Variants in PKHD1 observed in about 807,000 individuals in gnomAD.
PKHD1 encodes the protein fibrocystin.
A neutral mutation model predicts 412.0 loss-of-function variants in PKHD1; 291 were observed. The ratio of observed to expected loss-of-function variants is 0.71; its 90% CI spans 0.64 to 0.78. The LOEUF is 0.78. Among genes scored for constraint, PKHD1 ranks in the 30% least tolerant of loss-of-function variants. The probability of loss-of-function intolerance (pLI) is 0.00; values close to 1 mark genes in which losing one functional copy is unlikely to be tolerated. For missense variants in PKHD1, 4,825 were observed against 4,950.7 expected (o/e 0.97, Z 0.76); for synonymous variants, 1,777 against 1,821.5 (o/e 0.98, Z 0.62).
chr6:51,746,395 A>T (rs958831640), intron 59 of PKHD1, among the ~76,000 whole-genome samples: 4 of 152,242 alleles, frequency 2.6e-5, no homozygotes, highest in Non-Finnish European at 4.4e-5. Context: ...AATTAAGACA[A>T]AACAATAAAA....
At chr6:51,808,051 T>C (rs1462186937) in intron 52 of PKHD1, among the ~76,000 whole-genome samples, 1 of 152,152 alleles carries the variant, frequency 6.6e-6, no homozygotes, top group African/African-American at 2.4e-5. Context: ...ATGAATTTTA[T>C]GGTATGTGAA....
At chr6:52,072,562 CA>C (rs1810775221) in intron 7 of PKHD1, among the ~76,000 whole-genome samples, 1 of 152,144 alleles carries the variant, frequency 6.6e-6, no homozygotes, top group East Asian at 1.9e-4. Context: ...GGCACATTCC[CA>C]AGGATGTAGT....
intron 56 of PKHD1, 44 bp from the exon 57 acceptor site, chr6:51,753,397 G>A (rs1156514203): frequency 2.6e-6 from 4 of 1,560,740 alleles, no homozygotes; most frequent in Non-Finnish European, 3.5e-6. Flanking sequence ...TTAAAAACCT[G>A]TTTCAAAAAT....
chr6:51,985,802 TTTC>T (rs1796135884), intron 35 of PKHD1, among the ~76,000 whole-genome samples: 3 of 152,134 alleles, frequency 2.0e-5, no homozygotes, highest in Admixed American at 2.0e-4. Context: ...AATAGAAAGG[TTTC>T]TTTTTTACTG....
At chr6:51,973,701 C>A (rs1422247336) in intron 35 of PKHD1, among the ~76,000 whole-genome samples, 1 of 152,144 alleles carries the variant, frequency 6.6e-6, no homozygotes, top group African/African-American at 2.4e-5. Context: ...ATACATTTTC[C>A]AGAATTCTCC....
chr6:52,046,657 T>C (rs1581932486), intron 23 of PKHD1, among the ~76,000 whole-genome samples: 1 of 152,262 alleles, frequency 6.6e-6, no homozygotes, highest in Non-Finnish European at 1.5e-5. Context: ...AGCTGAGGAA[T>C]GTTGGCATTT....
intron 52 of PKHD1, among the ~76,000 whole-genome samples, chr6:51,808,936 T>C (rs1764255928): frequency 6.6e-6 from 1 of 152,056 alleles, no homozygotes; most frequent in Non-Finnish European, 1.5e-5. Flanking sequence ...ACTTTGCTGG[T>C]CCATAATCAC....
intron 55 of PKHD1, among the ~76,000 whole-genome samples, chr6:51,758,313 G>T (rs1290092510): frequency 6.6e-6 from 1 of 152,058 alleles, no homozygotes; most frequent in Non-Finnish European, 1.5e-5. Flanking sequence ...CCACGTCTAT[G>T]TCCATATAGC....
chr6:52,018,983 G>A (rs550622433), intron 33 of PKHD1, among the ~76,000 whole-genome samples: 1 of 152,204 alleles, frequency 6.6e-6, no homozygotes, highest in South Asian at 2.1e-4. Context: ...ATGTTATAGA[G>A]ATAAAAAGCA....
At chr6:51,697,742 ACTT>A (rs1438664169) in intron 60 of PKHD1, among the ~76,000 whole-genome samples, 11 of 152,214 alleles carry the variant, frequency 7.2e-5, no homozygotes, top group African/African-American at 2.7e-4. Context: ...AGCATGGCTG[ACTT>A]CTTATCATTT....
At chr6:51,733,480 T>G (rs1289045634) in intron 60 of PKHD1, among the ~76,000 whole-genome samples, 1 of 146,546 alleles carries the variant, frequency 6.8e-6, no homozygotes, top group Non-Finnish European at 1.5e-5. Flanking sequence ...GAGCTTGCAG[T>G]GAGCTGAGAT....
At chr6:51,731,409 C>T (rs896781426) in intron 60 of PKHD1, among the ~76,000 whole-genome samples, 2 of 152,150 alleles carry the variant, frequency 1.3e-5, no homozygotes, top group African/African-American at 4.8e-5. Context: ...ATAGATTTCT[C>T]ATAAAGGATT....
intron 21 of PKHD1, among the ~76,000 whole-genome samples, chr6:52,051,775 T>A (rs1754544014): frequency 7.7e-6 from 1 of 129,072 alleles, no homozygotes; most frequent in Admixed American, 8.6e-5. Context: ...GAAATATTGA[T>A]TCCCTCAGCC....
chr6:52,024,514 G>T, intron 32 of PKHD1, 60 bp downstream of exon 32: 1 of 1,494,378 alleles, frequency 6.7e-7, no homozygotes, highest in Non-Finnish European at 9.3e-7. Flanking sequence ...TTCCAGAAGT[G>T]AAAGGAGCTA....
At chr6:51,964,594 C>A (rs967383669) in intron 35 of PKHD1, among the ~76,000 whole-genome samples, 1 of 152,090 alleles carries the variant, frequency 6.6e-6, no homozygotes, top group African/African-American at 2.4e-5. Flanking sequence ...CTAGAACCTA[C>A]AATAATGCCT....
chr6:51,980,391 A>T (rs1794986128), intron 35 of PKHD1, among the ~76,000 whole-genome samples: 1 of 152,226 alleles, frequency 6.6e-6, no homozygotes, highest in Admixed American at 6.5e-5. Context: ...TTGCATGCAA[A>T]TAATGTGCTA....
chr6:51,913,113 C>A (rs1260798599), intron 37 of PKHD1, among the ~76,000 whole-genome samples: 8 of 152,076 alleles, frequency 5.3e-5, no homozygotes, highest in African/African-American at 1.9e-4. Flanking sequence ...AATTTTACCA[C>A]CTCTTTTTTA....
At chr6:52,058,268 T>A in intron 16 of PKHD1, 55 bp downstream of exon 16, 1 of 1,587,764 alleles carries the variant, frequency 6.3e-7, no homozygotes, top group Non-Finnish European at 8.6e-7. Flanking sequence ...TCCTGCTACA[T>A]GGGACTTTAT....
rs189447754 is a variant in PKHD1 at position 51,947,193 on chromosome 6, C to T, written c.5908+12677G>A. Among the ~76,000 whole-genome samples, 215 of 152,290 alleles carry T rather than the reference C, an allele frequency of 1.4e-3. 1 individual carries two copies. Among genetic ancestry groups the T allele is most frequent in the African/African-American group, 5.0e-3 (206 of 41,562 alleles). On this transcript the variant is annotated intron_variant, in intron 36 of 66. Coordinates refer to ENST00000371117, the MANE Select transcript of PKHD1 (RefSeq NM_138694.4). Reference sequence around the variant, plus strand: ...CTCAATGCTCAGTCCTCACCCTTCCCGAGTGACCAGCAGCATTTGACAACT... The same window carrying T: ...CTCAATGCTCAGTCCTCACCCTTCCTGAGTGACCAGCAGCATTTGACAACT...
Sources: gnomAD v4.1 joint callset for allele counts (sites outside exome capture counted in the v4.1 genomes callset) on GRCh38, gnomAD v4.1.1 for gene constraint, MANE v1.5 for transcripts, NCBI Gene and HGNC (gene_info 2026-07-23, HGNC 2026-07-21) for gene names.